PMP22: variants seen among roughly 807,000 people sequenced by gnomAD.
The protein encoded by PMP22 is Charcot-Marie-Tooth neuropathy 1A (greatly reduced nerve conduction velocity, hereditary motor sensory neuropathy Ia).
In PMP22, 2 loss-of-function variants were observed where a neutral mutation model predicts 18.9. That is an observed-to-expected ratio of 0.11 (90% CI 0.04 to 0.33). The LOEUF is 0.33. Ranked by LOEUF, PMP22 falls within the 10% of genes least tolerant of loss-of-function variation. The probability of loss-of-function intolerance (pLI) is 1.00; values close to 1 mark genes in which losing one functional copy is unlikely to be tolerated. For synonymous variants in PMP22, 95 were observed against 89.2 expected, an observed-to-expected ratio of 1.07 and a Z score of -0.37; for missense variants, 169 against 202.2, an observed-to-expected ratio of 0.84 and a Z score of 1.00.
At chr17:15,235,818 T>C (rs1255596717) in intron 4 of PMP22, among the ~76,000 whole-genome samples, 1 of 152,134 alleles carries the variant, frequency 6.6e-6, no homozygotes, top group Admixed American at 6.6e-5. Flanking sequence ...AGTGGCATGA[T>C]CTTGGCTCAC....
chr17:15,265,166 C>A lies in PMP22; in HGVS notation c.-47G>T, dbSNP rs766242271. Reference sequence around the variant, plus strand: ...CAATAAAACTCACCCGGCCAAACAGCGTAACCCCTTCTTCCAAGCAGATTT... The same window carrying A: ...CAATAAAACTCACCCGGCCAAACAGAGTAACCCCTTCTTCCAAGCAGATTT... On this transcript the variant is annotated 5_prime_UTR_variant, in exon 1 of 5. Coordinates refer to ENST00000312280, the MANE Select transcript of PMP22 (RefSeq NM_000304.4). 1 of 152,152 alleles carries A rather than the reference C, an allele frequency of 6.6e-6. No individual in the cohort carries two copies. The highest frequency in any genetic ancestry group is 2.4e-5 in the African/African-American group (1 of 41,404). The allele number at this position is 152,152 out of a possible 1,614,324, so 9.4% of individuals were successfully genotyped here.
chr17:15,236,525 G>A (rs1290749231), intron 4 of PMP22, among the ~76,000 whole-genome samples: 2 of 152,162 alleles, frequency 1.3e-5, no homozygotes, highest in African/African-American at 4.8e-5. Flanking sequence ...GGGCATGCAC[G>A]CTTGTAGATT....
At position 15,258,011 on chromosome 17, in the gene PMP22, T is replaced by C. The variant is rs1028236174; in HGVS notation, c.178+1083A>G. ...GGAAAGTCCAGCAAAGCAACTGGAT[T>C]ATGCAAAGCCAGGACCAAAGGCCAC... On this transcript the variant is annotated intron_variant, in intron 3 of 4. Transcript: ENST00000312280. The surrounding 1 kb of genome is among the most constrained non-coding windows in gnomAD (Gnocchi z 4.1). 6.6e-6 allele frequency among the ~76,000 whole-genome samples: 1 copy of C among 152,204 alleles called. No individual in the cohort carries two copies. The highest frequency in any genetic ancestry group is 2.4e-5 in the African/African-American group (1 of 41,446).
chr17:15,238,829 T>C (rs1394016219), intron 4 of PMP22, among the ~76,000 whole-genome samples: 1 of 152,170 alleles, frequency 6.6e-6, no homozygotes, highest in Non-Finnish European at 1.5e-5. Flanking sequence ...AGGCAGGAGA[T>C]TAAGGAGACC....
At chr17:15,239,679 A>G in intron 3 of PMP22, 68 bp from the exon 4 acceptor site, 1 of 1,515,516 alleles carries the variant, frequency 6.6e-7, no homozygotes, top group East Asian at 2.3e-5. Context: ...CTCGAGGTGC[A>G]GGGCCTGAAG....
chr17:15,244,748 T>C (rs1907645804), intron 3 of PMP22, among the ~76,000 whole-genome samples: 1 of 152,168 alleles, frequency 6.6e-6, no homozygotes, highest in African/African-American at 2.4e-5. Flanking sequence ...TCCACAGGCA[T>C]GCAAATATTC....
At chr17:15,233,790 GA>G (rs1259340126) in intron 4 of PMP22, among the ~76,000 whole-genome samples, 2 of 152,200 alleles carry the variant, frequency 1.3e-5, no homozygotes, top group Non-Finnish European at 2.9e-5. Flanking sequence ...GAGAGGGAAG[GA>G]AATGCACCAG....
chr17:15,249,861 T>C (rs230911), intron 3 of PMP22, among the ~76,000 whole-genome samples: 2 of 152,046 alleles, frequency 1.3e-5, no homozygotes, highest in Non-Finnish European at 2.9e-5. Flanking sequence ...ACATCAGGCA[T>C]GAATGAAGGC....
At chr17:15,263,766 T>A (rs1909525867) in intron 1 of PMP22, among the ~76,000 whole-genome samples, 1 of 152,212 alleles carries the variant, frequency 6.6e-6, no homozygotes, top group Non-Finnish European at 1.5e-5. Flanking sequence ...ACAATGATCT[T>A]TTTAAAACTA....
rs117760569 is a variant in PMP22 at position 15,233,213 on chromosome 17, A to G, written c.320-2133T>C. On this transcript the variant is annotated intron_variant, in intron 4 of 4. Transcript: ENST00000312280. ...CTTTCTCAGCAACCAGTAGGTGGAG[A>G]TGTATCACCAGGTCCCTGTGGCAAG... 1.7e-3 allele frequency among the ~76,000 whole-genome samples: 257 copies of G among 152,252 alleles called. No homozygotes were observed. The highest frequency in any genetic ancestry group is 3.1e-3 in the Non-Finnish European group (210 of 68,016).
intron 3 of PMP22, among the ~76,000 whole-genome samples, chr17:15,244,535 A>T (rs1048797686): frequency 1.3e-5 from 2 of 152,212 alleles, no homozygotes; most frequent in Non-Finnish European, 2.9e-5. Flanking sequence ...AAATAAGGAC[A>T]TTGATTGTAG....
rs1906285551 is a variant in PMP22, at chr17:15,231,037, G to T, written c.363C>A (p.His121Gln). 1 of 1,614,096 alleles carries T rather than the reference G, an allele frequency of 6.2e-7. No homozygotes were observed. The highest frequency in any genetic ancestry group is 1.3e-5 in the African/African-American group (1 of 75,048). Residue 121 changes from histidine to glutamine, a missense_variant, in exon 5 of 5, where the codon CAC (histidine) becomes CAA (glutamine). Coordinates refer to ENST00000312280, the MANE Select transcript of PMP22 (RefSeq NM_000304.4). ...AATCCGAGTTGAGATGCCACTCCGGGTGCCTCACCGTGTAGATGGCCGCAG... is the reference window on the plus strand; with the variant it reads ...AATCCGAGTTGAGATGCCACTCCGGTTGCCTCACCGTGTAGATGGCCGCAG... ...MSAAAIYTVR[H>Q]PEWHLNSDYS...
intron 3 of PMP22, chr17:15,251,636 T>C: frequency 6.6e-6 from 1 of 151,478 alleles, no homozygotes. Flanking sequence ...TCCCTGCCAG[T>C]GTTGGGGGCC....
chr17:15,233,236 A>ACACC (rs1170212576), intron 4 of PMP22, among the ~76,000 whole-genome samples: 1 of 152,188 alleles, frequency 6.6e-6, no homozygotes, highest in Admixed American at 6.5e-5. Context: ...TCCCTGTGGC[A>ACACC]AGGGTAAGTG....
chr17:15,245,493 C>T (rs1907721964), intron 3 of PMP22, among the ~76,000 whole-genome samples: 1 of 152,102 alleles, frequency 6.6e-6, no homozygotes, highest in African/African-American at 2.4e-5. Context: ...TTTTTTTGGC[C>T]TTGAATTCTG....
intron 3 of PMP22, among the ~76,000 whole-genome samples, chr17:15,252,760 G>A (rs1908472997): frequency 6.6e-6 from 1 of 152,240 alleles, no homozygotes; most frequent in South Asian, 2.1e-4. Context: ...AGAGGACTTT[G>A]TGAGCAGGGA....
chr17:15,237,070 A>T (rs1320769189), intron 4 of PMP22, among the ~76,000 whole-genome samples: 1 of 152,260 alleles, frequency 6.6e-6, no homozygotes, highest in Non-Finnish European at 1.5e-5. Context: ...GATAAAGAGG[A>T]CAAAGTCATG....
intron 4 of PMP22, among the ~76,000 whole-genome samples, chr17:15,238,855 T>A (rs900247628): frequency 6.6e-6 from 1 of 152,192 alleles, no homozygotes; most frequent in Non-Finnish European, 1.5e-5. Context: ...TGTGTTTTCA[T>A]GTGTTGTCAT....
chr17:15,253,682 C>T (rs1908567024), intron 3 of PMP22, among the ~76,000 whole-genome samples: 2 of 152,102 alleles, frequency 1.3e-5, no homozygotes, highest in African/African-American at 4.8e-5. Flanking sequence ...ACTAGTCTGC[C>T]CTGCCCTCTG....
Sources: gnomAD v4.1 joint callset for allele counts (sites outside exome capture counted in the v4.1 genomes callset) on GRCh38, gnomAD v4.1.1 for gene constraint, Gnocchi (gnomAD v3.1) non-coding constraint, MANE v1.5 for transcripts, NCBI Gene and HGNC (gene_info 2026-07-23, HGNC 2026-07-21) for gene names.